Variants in MDGA2 observed in about 807,000 individuals in gnomAD.
The protein encoded by MDGA2 is MAM domain-containing glycosylphosphatidylinositol anchor protein 2.
MDGA2 carries 40 observed loss-of-function variants against 117.8 expected under a neutral mutation model. The ratio of observed to expected loss-of-function variants is 0.34; its 90% CI spans 0.26 to 0.44. The LOEUF (loss-of-function observed/expected upper bound fraction) is 0.44. Among genes scored for constraint, MDGA2 ranks in the 20% least tolerant of loss-of-function variants. MDGA2 has a pLI of 1.00. For missense variants in MDGA2, 1,123 were observed against 1,250.6 expected, an observed-to-expected ratio of 0.90 and a Z score of 1.54; for synonymous variants, 452 against 439.0, an observed-to-expected ratio of 1.03 and a Z score of -0.37.
At chr14:47,134,763 T>C (rs1054736198) in intron 4 of MDGA2, among the ~76,000 whole-genome samples, 5 of 147,316 alleles carry the variant, frequency 3.4e-5, no homozygotes, top group Admixed American at 6.8e-5. Context: ...TGTGTATATA[T>C]ACACACACAC....
At chr14:46,964,139 G>T (rs564356566) in intron 8 of MDGA2, among the ~76,000 whole-genome samples, 1 of 152,052 alleles carries the variant, frequency 6.6e-6, no homozygotes, top group Non-Finnish European at 1.5e-5. Context: ...CCTCTCCTCT[G>T]CAAAAACCAT....
chr14:47,374,393 T>C (rs1891431240), intron 1 of MDGA2, among the ~76,000 whole-genome samples: 1 of 152,154 alleles, frequency 6.6e-6, no homozygotes, highest in African/African-American at 2.4e-5. Flanking sequence ...ATTCACTCTG[T>C]TCTATATAAG....
At chr14:47,214,855 C>T (rs1289613664) in intron 3 of MDGA2, among the ~76,000 whole-genome samples, 24 of 152,034 alleles carry the variant, frequency 1.6e-4, no homozygotes, top group Non-Finnish European at 1.0e-4. Flanking sequence ...ACTACTGATG[C>T]ATTACATTAA....
chr14:47,148,783 G>T (rs1226498106), intron 3 of MDGA2, among the ~76,000 whole-genome samples: 1 of 152,158 alleles, frequency 6.6e-6, no homozygotes, highest in Non-Finnish European at 1.5e-5. Flanking sequence ...TCTGAAAATT[G>T]CCTCAGGTAC....
At chr14:47,005,598 T>A (rs1887681662) in intron 8 of MDGA2, among the ~76,000 whole-genome samples, 1 of 151,602 alleles carries the variant, frequency 6.6e-6, no homozygotes, top group African/African-American at 2.4e-5. Flanking sequence ...GTTATTTACT[T>A]TTTTATATAT....
chr14:47,053,213 T>G (rs2138734617), intron 7 of MDGA2, among the ~76,000 whole-genome samples: 1 of 152,040 alleles, frequency 6.6e-6, no homozygotes, highest in Admixed American at 6.6e-5. Flanking sequence ...CAGTTTCTTC[T>G]TTTTTTATCA....
intron 6 of MDGA2, among the ~76,000 whole-genome samples, chr14:47,087,372 C>A (rs1298372739): frequency 2.0e-5 from 3 of 148,084 alleles, no homozygotes; most frequent in African/African-American, 7.6e-5. Context: ...AAAAAATTAG[C>A]CAGGCATGGT....
chr14:47,208,015 C>A (rs1885750373), intron 3 of MDGA2, among the ~76,000 whole-genome samples: 1 of 152,002 alleles, frequency 6.6e-6, no homozygotes, highest in African/African-American at 2.4e-5. Flanking sequence ...CAGATGTACT[C>A]TCTGACACCC....
At chr14:47,142,233 C>A (rs975404902) in intron 4 of MDGA2, among the ~76,000 whole-genome samples, 1 of 152,128 alleles carries the variant, frequency 6.6e-6, no homozygotes, top group African/African-American at 2.4e-5. Flanking sequence ...TGCTTGAGGT[C>A]AGGAGCTTGA....
At chr14:47,387,468 A>T (rs983023668) in intron 1 of MDGA2, among the ~76,000 whole-genome samples, 1 of 152,102 alleles carries the variant, frequency 6.6e-6, no homozygotes, top group Non-Finnish European at 1.5e-5. Context: ...CTCACTGTCT[A>T]CCAGGTACCT....
chr14:47,204,836 A>C (rs1885625574), intron 3 of MDGA2, among the ~76,000 whole-genome samples: 1 of 152,010 alleles, frequency 6.6e-6, no homozygotes, highest in Non-Finnish European at 1.5e-5. Context: ...TTCTAAAACA[A>C]TTTTACTATG....
At chr14:47,548,182 C>G (rs535607261) in intron 1 of MDGA2, among the ~76,000 whole-genome samples, 1 of 152,252 alleles carries the variant, frequency 6.6e-6, no homozygotes, top group African/African-American at 2.4e-5. Flanking sequence ...GTCTAGAGCT[C>G]TCTCATTTAG....
At position 47,554,013 on chromosome 14, in the gene MDGA2, C is replaced by G. The variant is rs144872949; in HGVS notation, c.280+120504G>C. ...TCCTTCCTCCTTTCCCCGTCCACCC[C>G]CCGTTATCATTTAAGAAATCCATTT... On this transcript the variant is annotated intron_variant, in intron 1 of 16. Coordinates refer to ENST00000399232, the MANE Select transcript of MDGA2 (RefSeq NM_001113498.3). 4.2e-3 allele frequency among the ~76,000 whole-genome samples: 647 copies of G among 152,280 alleles called. 4 individuals carry two copies. Among genetic ancestry groups the G allele is most frequent in the African/African-American group, 0.015 (605 of 41,552 alleles).
chr14:47,174,049 G>C (rs1318575544), intron 3 of MDGA2, among the ~76,000 whole-genome samples: 1 of 152,182 alleles, frequency 6.6e-6, no homozygotes, highest in African/African-American at 2.4e-5. Context: ...AAGAGACAAA[G>C]AAGGCCATTA....
intron 1 of MDGA2, among the ~76,000 whole-genome samples, chr14:47,345,381 T>C (rs551184203): frequency 3.9e-4 from 60 of 152,222 alleles, no homozygotes; most frequent in African/African-American, 1.3e-3. Context: ...ATAATGAAAG[T>C]TAAAGGACTG....
chr14:47,083,756 CA>C (rs1222541757), intron 6 of MDGA2, among the ~76,000 whole-genome samples: 1 of 151,854 alleles, frequency 6.6e-6, no homozygotes, highest in African/African-American at 2.4e-5. Context: ...ATCATGCAAA[CA>C]ACCATCAAAA....
At chr14:47,513,227 T>C (rs1894679808) in intron 1 of MDGA2, among the ~76,000 whole-genome samples, 1 of 152,158 alleles carries the variant, frequency 6.6e-6, no homozygotes, top group Non-Finnish European at 1.5e-5. Context: ...ATAGGAGAAG[T>C]ATTCAGTCTA....
chr14:47,482,920 A>C (rs898978766), intron 1 of MDGA2, among the ~76,000 whole-genome samples: 1 of 151,204 alleles, frequency 6.6e-6, no homozygotes, highest in African/African-American at 2.4e-5. Context: ...AAAAAAAGAG[A>C]AAAGGAAGGA....
intron 1 of MDGA2, among the ~76,000 whole-genome samples, chr14:47,530,054 C>G (rs1174901451): frequency 6.6e-6 from 1 of 152,190 alleles, no homozygotes; most frequent in Non-Finnish European, 1.5e-5. Context: ...TGTGCTTCCC[C>G]CTGCAGAGAG....
Sources: gnomAD v4.1 joint callset for allele counts (sites outside exome capture counted in the v4.1 genomes callset) on GRCh38, gnomAD v4.1.1 for gene constraint, MANE v1.5 for transcripts, NCBI Gene and HGNC (gene_info 2026-07-23, HGNC 2026-07-21) for gene names.